Variants in IL7 observed in about 807,000 individuals in gnomAD.
IL7 encodes interleukin 7.
IL7 carries 3 observed loss-of-function variants against 21.6 expected under a neutral mutation model. The ratio of observed to expected loss-of-function variants is 0.14; its 90% CI spans 0.06 to 0.36. The LOEUF (loss-of-function observed/expected upper bound fraction) is 0.36. Ranked by LOEUF, IL7 falls within the 10% of genes least tolerant of loss-of-function variation. The pLI is 1.00. For missense variants in IL7, 175 were observed against 200.2 expected (o/e 0.87, Z 0.76); for synonymous variants, 62 against 68.1 (o/e 0.91, Z 0.44).
intron 3 of IL7, among the ~76,000 whole-genome samples, chr8:78,710,509 G>C (rs577615323): frequency 2.0e-5 from 3 of 151,854 alleles, no homozygotes; most frequent in Admixed American, 2.0e-4. Flanking sequence ...TGTAGGATTT[G>C]ACCATTTCTT....
At chr8:78,715,232 A>T (rs1454058399), downstream of IL7, 1 of 1,613,544 alleles carries the variant, frequency 6.2e-7, no homozygotes, top group African/African-American at 1.3e-5. Context: ...GCTAATGTCA[A>T]ACCCCGAAAT....
downstream of IL7, among the ~76,000 whole-genome samples, chr8:78,717,108 G>T (rs1366641241): frequency 2.0e-5 from 3 of 151,904 alleles, no homozygotes. Context: ...GCTGCATTTG[G>T]TCATGGTAAA....
At chr8:78,752,158 C>T (rs1812195510) in intron 2 of IL7, among the ~76,000 whole-genome samples, 1 of 152,132 alleles carries the variant, frequency 6.6e-6, no homozygotes, top group Non-Finnish European at 1.5e-5. Flanking sequence ...ACTACATTTT[C>T]TTCATCCATT....
chr8:78,682,564 T>C (rs1355985882), intron 4 of IL7, among the ~76,000 whole-genome samples: 3 of 152,142 alleles, frequency 2.0e-5, no homozygotes, highest in Non-Finnish European at 4.4e-5. Flanking sequence ...CGTGATTCAA[T>C]TACCTCCCAA....
chr8:78,739,466 G>A (rs1811705982), intron 3 of IL7, among the ~76,000 whole-genome samples: 1 of 152,180 alleles, frequency 6.6e-6, no homozygotes, highest in African/African-American at 2.4e-5. Flanking sequence ...GGCGGAGGCA[G>A]GCGGATCATG....
chr8:78,750,939 T>A (rs1374222618), intron 2 of IL7, among the ~76,000 whole-genome samples: 1 of 151,972 alleles, frequency 6.6e-6, no homozygotes, highest in Admixed American at 6.5e-5. Context: ...GAGATTAAAA[T>A]TCTAGGAAAT....
At chr8:78,675,060 CT>C (rs1333505519), downstream of IL7, among the ~76,000 whole-genome samples, 2 of 150,826 alleles carry the variant, frequency 1.3e-5, no homozygotes, top group Non-Finnish European at 3.0e-5. Context: ...AATGCAGTTT[CT>C]TTTTTTGTAG....
At chr8:78,793,387 G>C (rs1813757313) in intron 2 of IL7, among the ~76,000 whole-genome samples, 1 of 152,102 alleles carries the variant, frequency 6.6e-6, no homozygotes, top group African/African-American at 2.4e-5. Context: ...CTGCAGTAAA[G>C]CAAGTATCAC....
At chr8:78,744,727 G>T (rs758474594) in intron 2 of IL7, among the ~76,000 whole-genome samples, 12 of 152,168 alleles carry the variant, frequency 7.9e-5, no homozygotes, top group Non-Finnish European at 1.3e-4. Context: ...TACAGTTCCT[G>T]GTTCTCCAAC....
At chr8:78,726,820 C>T (rs950975169) in intron 3 of IL7, among the ~76,000 whole-genome samples, 6 of 152,126 alleles carry the variant, frequency 3.9e-5, no homozygotes, top group Admixed American at 2.6e-4. Flanking sequence ...ATCGACTCAA[C>T]TACTTTGTCT....
At chr8:78,689,880 T>C (rs1810151958) in intron 3 of IL7, among the ~76,000 whole-genome samples, 1 of 152,182 alleles carries the variant, frequency 6.6e-6, no homozygotes, top group African/African-American at 2.4e-5. Context: ...AATCTTTGCC[T>C]ATACTAGGAT....
chr8:78,784,309 A>C (rs1813439354), intron 2 of IL7, among the ~76,000 whole-genome samples: 1 of 152,144 alleles, frequency 6.6e-6, no homozygotes, highest in Non-Finnish European at 1.5e-5. Context: ...CCTTCACCAG[A>C]ACCCAACCAT....
chr8:78,723,046 C>G (rs1393165455), intron 3 of IL7, among the ~76,000 whole-genome samples: 1 of 148,170 alleles, frequency 6.7e-6, no homozygotes, highest in Admixed American at 6.8e-5. Context: ...TCTAGATAGT[C>G]TTTCATTTTC....
intron 3 of IL7, among the ~76,000 whole-genome samples, chr8:78,693,942 T>C (rs1810309200): frequency 6.6e-6 from 1 of 152,204 alleles, no homozygotes; most frequent in Non-Finnish European, 1.5e-5. Flanking sequence ...GTTTCAGCTT[T>C]CTACATATGG....
intron 2 of IL7, among the ~76,000 whole-genome samples, chr8:78,796,472 G>T (rs769790840): frequency 6.6e-6 from 1 of 151,774 alleles, no homozygotes; most frequent in Non-Finnish European, 1.5e-5. Flanking sequence ...TACAAATGTT[G>T]TCACAGTAAT....
intron 3 of IL7, among the ~76,000 whole-genome samples, chr8:78,739,584 C>T (rs1811709496): frequency 6.6e-6 from 1 of 151,396 alleles, no homozygotes; most frequent in Admixed American, 6.6e-5. Context: ...CCCAGTTACT[C>T]GGGAGACTGA....
At chr8:78,787,693 G>A (rs1813557797) in intron 2 of IL7, among the ~76,000 whole-genome samples, 1 of 152,130 alleles carries the variant, frequency 6.6e-6, no homozygotes, top group Non-Finnish European at 1.5e-5. Flanking sequence ...ACCATATTTA[G>A]GGGTCATTTC....
At chr8:78,785,586 G>T (rs562353724) in intron 2 of IL7, among the ~76,000 whole-genome samples, 102 of 152,102 alleles carry the variant, frequency 6.7e-4, no homozygotes, top group Non-Finnish European at 1.2e-3. Flanking sequence ...TAAAATTCAT[G>T]TGTACTTTAA....
intron 2 of IL7, among the ~76,000 whole-genome samples, chr8:78,768,578 A>G (rs1163235987): frequency 2.0e-5 from 3 of 150,980 alleles, no homozygotes; most frequent in Non-Finnish European, 4.4e-5. Flanking sequence ...TCTTTTGAGA[A>G]GTGTCTGTTC....
Sources: allele counts gnomAD v4.1 joint callset (sites outside exome capture counted in the v4.1 genomes callset), GRCh38; gene constraint gnomAD v4.1.1; transcripts MANE v1.5; gene names NCBI Gene and HGNC (gene_info 2026-07-23, HGNC 2026-07-21).